ADD1: variants seen among roughly 807,000 people sequenced by gnomAD.
ADD1 encodes the protein adducin 1.
ADD1 carries 24 observed loss-of-function variants against 80.5 expected under a neutral mutation model. The observed-to-expected ratio is 0.30, with a 90% confidence interval of 0.22 to 0.42. The LOEUF (loss-of-function observed/expected upper bound fraction) is 0.42, where lower values mean the gene tolerates loss of function less well. ADD1 is among the 10% of genes least tolerant of loss of function. The pLI is 1.00. For synonymous variants in ADD1, 373 were observed against 393.8 expected (o/e 0.95, Z 0.63); for missense variants, 948 against 1,019.0 (o/e 0.93, Z 0.95).
chr4:2,927,628 C>T (rs1054898553), intron 15 of ADD1, among the ~76,000 whole-genome samples: 4 of 152,244 alleles, frequency 2.6e-5, no homozygotes, highest in African/African-American at 9.6e-5. Flanking sequence ...CCTTGCCTTA[C>T]AGGCCATCTC....
At chr4:2,875,318 C>G (rs1472246440) in intron 1 of ADD1, among the ~76,000 whole-genome samples, 1 of 152,060 alleles carries the variant, frequency 6.6e-6, no homozygotes, top group Non-Finnish European at 1.5e-5. Flanking sequence ...TATTAACAAA[C>G]TGAGCATCTT....
intron 9 of ADD1, chr4:2,900,710 G>A (rs912134591): frequency 6.6e-6 from 1 of 152,206 alleles, no homozygotes; most frequent in Non-Finnish European, 1.5e-5. Flanking sequence ...GATGAATATT[G>A]TCCGCTAGAA....
chr4:2,875,447 G>A (rs966172253), intron 1 of ADD1, among the ~76,000 whole-genome samples: 7 of 152,006 alleles, frequency 4.6e-5, no homozygotes, highest in African/African-American at 1.7e-4. Flanking sequence ...ATCTGTTTGT[G>A]GGATCCTTTG....
intron 6 of ADD1, among the ~76,000 whole-genome samples, chr4:2,895,741 C>T (rs1381260253): frequency 2.0e-5 from 3 of 152,182 alleles, no homozygotes; most frequent in Non-Finnish European, 1.5e-5. Context: ...CCCCAGACCC[C>T]TCCGTATGAA....
rs151228185 is a variant in ADD1 at position 2,927,232 on chromosome 4, CAG to C, written c.2048-938_2048-937del. Among the ~76,000 whole-genome samples the C allele has an allele frequency of 2.4e-3, 365 of 152,330 alleles. 4 individuals are homozygous for C. Among genetic ancestry groups the C allele is most frequent in the African/African-American group, 8.4e-3 (350 of 41,580 alleles). ...CCCAGCAGAGCGGGCCCCATCTCCTCAGGGGGAGCGGCGCCTGTGTGCCCATA... is the reference window on the plus strand; with the variant it reads ...CCCAGCAGAGCGGGCCCCATCTCCTCGGGGAGCGGCGCCTGTGTGCCCATA... On this transcript the variant is annotated intron_variant, in intron 15 of 15. Coordinates refer to ENST00000683351, the MANE Select transcript of ADD1 (RefSeq NM_001354761.2).
intron 1 of ADD1, among the ~76,000 whole-genome samples, chr4:2,871,111 G>A (rs1369970452): frequency 3.9e-5 from 6 of 151,908 alleles, no homozygotes; most frequent in African/African-American, 1.5e-4. Context: ...TGGGACTACA[G>A]GTGCGCGCCA....
intron 14 of ADD1, among the ~76,000 whole-genome samples, chr4:2,922,721 C>T (rs1740264764): frequency 6.6e-6 from 1 of 152,218 alleles, no homozygotes; most frequent in Non-Finnish European, 1.5e-5. Context: ...CTTCAGTCTG[C>T]TGAAGTTGTG....
At chr4:2,885,776 ATT>A (rs541172586) in intron 4 of ADD1, among the ~76,000 whole-genome samples, 4 of 150,548 alleles carry the variant, frequency 2.7e-5, no homozygotes, top group Admixed American at 6.6e-5. Flanking sequence ...CGCCTGGCTA[ATT>A]TTTTTGTATT....
intron 10 of ADD1, 109 bp downstream of exon 10, chr4:2,905,217 C>A (rs771517702): frequency 8.0e-6 from 8 of 993,952 alleles, no homozygotes; most frequent in Non-Finnish European, 1.1e-5. Context: ...GTAAAGCGAA[C>A]CTTCCTTATT....
chr4:2,922,725 A>G (rs527308913), intron 14 of ADD1, among the ~76,000 whole-genome samples: 24 of 152,322 alleles, frequency 1.6e-4, no homozygotes, highest in African/African-American at 5.8e-4. Flanking sequence ...AGTCTGCTGA[A>G]GTTGTGCCCA....
At chr4:2,876,158 T>A (rs1218771208) in intron 2 of ADD1, 48 bp downstream of exon 2, 1 of 1,559,770 alleles carries the variant, frequency 6.4e-7, no homozygotes, top group East Asian at 2.2e-5. Flanking sequence ...TTTCCTTTTC[T>A]AATACTTCAG....
chr4:2,878,483 A>C (rs1424326951), intron 2 of ADD1, among the ~76,000 whole-genome samples: 1 of 152,200 alleles, frequency 6.6e-6, no homozygotes, highest in African/African-American at 2.4e-5. Context: ...CGTAAAAACA[A>C]CAAGAAGCTA....
intron 2 of ADD1, among the ~76,000 whole-genome samples, chr4:2,878,034 G>T (rs1323743245): frequency 6.6e-6 from 1 of 152,170 alleles, no homozygotes; most frequent in Non-Finnish European, 1.5e-5. Context: ...ATAGGGATGG[G>T]CTTGATGAGC....
At chr4:2,864,122 A>G (rs1291208657) in intron 1 of ADD1, among the ~76,000 whole-genome samples, 1 of 152,196 alleles carries the variant, frequency 6.6e-6, no homozygotes, top group Non-Finnish European at 1.5e-5. Context: ...CTTAAATAAC[A>G]GAATTTATGG....
intron 14 of ADD1, among the ~76,000 whole-genome samples, chr4:2,925,678 G>T (rs1278695161): frequency 6.6e-6 from 1 of 152,238 alleles, no homozygotes; most frequent in Non-Finnish European, 1.5e-5. Flanking sequence ...AGAAGGCAGG[G>T]AGGGAGGGGT....
intron 8 of ADD1, chr4:2,898,956 G>A (rs1735725281): frequency 7.6e-6 from 3 of 397,148 alleles, no homozygotes; most frequent in Non-Finnish European, 4.6e-6. Context: ...GTTAGTTCAC[G>A]TTCTCCCCTC....
intron 6 of ADD1, among the ~76,000 whole-genome samples, chr4:2,896,549 G>C (rs186229407): frequency 3.3e-5 from 5 of 152,206 alleles, no homozygotes; most frequent in Admixed American, 3.3e-4. Context: ...GGATTATTTG[G>C]ATGAACATTA....
chr4:2,920,825 GCCCATTTACA>G (rs1739898895), intron 14 of ADD1, among the ~76,000 whole-genome samples: 1 of 152,066 alleles, frequency 6.6e-6, no homozygotes, highest in South Asian at 2.1e-4. Flanking sequence ...GGGGCATTTT[GCCCATTTACA>G]TTTAAGGTTA....
At chr4:2,922,684 G>A (rs1740258446) in intron 14 of ADD1, among the ~76,000 whole-genome samples, 1 of 152,218 alleles carries the variant, frequency 6.6e-6, no homozygotes, top group Non-Finnish European at 1.5e-5. Flanking sequence ...GAGATCCACC[G>A]CTCTCTTCAG....
Sources: gnomAD v4.1 joint callset for allele counts (sites outside exome capture counted in the v4.1 genomes callset) on GRCh38, gnomAD v4.1.1 for gene constraint, MANE v1.5 for transcripts, NCBI Gene and HGNC (gene_info 2026-07-23, HGNC 2026-07-21) for gene names.